The following ADGRD2 variants were observed in gnomAD, a reference collection of about 807,000 sequenced individuals.
The protein encoded by ADGRD2 is adhesion G protein-coupled receptor D2.
Under a neutral mutation model 44.4 loss-of-function variants are expected in ADGRD2, and 71 were observed. That is an observed-to-expected ratio of 1.60 (90% CI 1.32 to 1.95). The LOEUF (loss-of-function observed/expected upper bound fraction) is 1.95. Ranked by LOEUF, ADGRD2 falls within the 30% of genes most tolerant of loss-of-function variation. ADGRD2 has a pLI of 0.00. For missense variants in ADGRD2, 1,039 were observed against 512.4 expected, an observed-to-expected ratio of 2.03 and a Z score of -9.92; for synonymous variants, 481 against 224.8, an observed-to-expected ratio of 2.14 and a Z score of -10.19.
In ADGRD2 at chr9:124,468,634, C is replaced by A. The variant is rs761728780; in HGVS notation, c.2351C>A (p.Pro784Gln). The A allele has an allele frequency of 3.6e-5, 26 of 717,908 alleles. No individual in the cohort carries two copies. In the African/African-American group the frequency reaches 4.0e-4, roughly 11 times the overall value. 44.5% of individuals were successfully genotyped at this position (717,908 alleles called of 1,614,324 possible). ...AAGGTGGTAGCTGTGAGCATGCACC[C>A]GGGCCCAGGCATGCGGCTCTACCAC... The change falls in exon 14 of 22, where the codon CCG becomes CAG. Residue 784 changes from proline (P) to glutamine (Q), a missense_variant. Coordinates refer to ENST00000334810, the Ensembl canonical transcript of ADGRD2.
chr9:124,476,731 G>T lies in ADGRD2; in HGVS notation c.*18+22G>T, dbSNP rs1237365522. On this transcript the variant is annotated intron_variant, in intron 21 of 21. Coordinates refer to ENST00000334810, the Ensembl canonical transcript of ADGRD2. ...TCAGGTACAGTCCCCACCTCACGGG[G>T]TCCCCTCTTTTCTTTTTGGGCCTGG... 1.0e-5 allele frequency: 7 copies of T among 698,222 alleles called. No individual in the cohort carries two copies. In the African/African-American group the frequency reaches 1.1e-4, roughly 10 times the overall value. The allele number at this position is 698,222 out of a possible 1,614,324, so 43.3% of individuals were successfully genotyped here. A position where few individuals can be genotyped will look rare whatever the true frequency, so the allele number is the denominator to read the frequency against.
At chr9:124,475,819 A>G (rs1588611000) in intron 19 of ADGRD2, among the ~76,000 whole-genome samples, 1 of 152,132 alleles carries the variant, frequency 6.6e-6, no homozygotes, top group East Asian at 1.9e-4. Context: ...AGGTACTCGC[A>G]GCACCCAGGT....
chr9:124,451,568 G>A (rs1831469693), upstream of ADGRD2: 1 of 289,036 alleles, frequency 3.5e-6, no homozygotes, highest in African/African-American at 2.2e-5. Context: ...GCGAAGCAAG[G>A]CAGGATGCCC....
At chr9:124,453,082 C>A in exon 3 of ADGRD2, 1 of 684,720 alleles carries the variant, frequency 1.5e-6, no homozygotes, top group Admixed American at 2.2e-5. Context: ...GACGGCTGAC[C>A]GGGCGGCGCG....
exon 3 of ADGRD2, chr9:124,453,578 C>T: frequency 2.9e-6 from 2 of 699,412 alleles, no homozygotes; most frequent in Non-Finnish European, 2.6e-6. Flanking sequence ...CGGGCCTGCG[C>T]GCCGCCCTCA....
At chr9:124,459,592 G>GA (rs1831689733) in intron 10 of ADGRD2, among the ~76,000 whole-genome samples, 1 of 152,008 alleles carries the variant, frequency 6.6e-6, no homozygotes, top group South Asian at 2.1e-4. Context: ...AAAATATTCA[G>GA]AAAAAATAGC....
chr9:124,476,865 C>T (rs961226893), intron 21 of ADGRD2, 156 bp downstream of exon 24: 1 of 695,738 alleles, frequency 1.4e-6, no homozygotes, highest in Admixed American at 2.0e-5. Flanking sequence ...CCTGGGAGCA[C>T]TGGGGGCCTG....
chr9:124,461,758 G>A (rs546335124), intron 10 of ADGRD2, among the ~76,000 whole-genome samples: 2 of 148,492 alleles, frequency 1.3e-5, no homozygotes, highest in African/African-American at 2.5e-5. Flanking sequence ...TTTGTTTTTT[G>A]TTTTTTTGAG....
chr9:124,473,347 C>T (rs191748782), intron 17 of ADGRD2, among the ~76,000 whole-genome samples: 279 of 152,298 alleles, frequency 1.8e-3, no homozygotes, highest in Non-Finnish European at 2.6e-3. Flanking sequence ...TATAACCAGC[C>T]GTAGCTCACA....
intron 17 of ADGRD2, among the ~76,000 whole-genome samples, chr9:124,470,822 C>T (rs73592105): frequency 0.03 from 4,571 of 152,330 alleles, 213 homozygotes; most frequent in African/African-American, 0.1. Flanking sequence ...GCAGGAGGCT[C>T]ACGGGGCCCC....
intron 11 of ADGRD2, chr9:124,467,095 G>T (rs551952797): frequency 6.5e-6 from 1 of 153,094 alleles, no homozygotes; most frequent in African/African-American, 2.4e-5. Flanking sequence ...CACTTTGGGA[G>T]GCCAAGGCAG....
intron 7 of ADGRD2, among the ~76,000 whole-genome samples, chr9:124,456,971 C>G (rs963194638): frequency 6.6e-6 from 1 of 152,246 alleles, no homozygotes; most frequent in Non-Finnish European, 1.5e-5. Flanking sequence ...TAGCTCTCTC[C>G]TCCTCTGAGA....
chr9:124,467,578 G>A (rs1831848539), intron 11 of ADGRD2, 143 bp from the exon 15 acceptor site: 1 of 629,028 alleles, frequency 1.6e-6, no homozygotes. Flanking sequence ...TGCCTACTGT[G>A]TGCAGGCCTG....
chr9:124,467,603 C>A lies in ADGRD2; in HGVS notation c.2027-118C>A, dbSNP rs545221054. The A allele has an allele frequency of 2.9e-5, 19 of 657,794 alleles. No individual in the cohort carries two copies. The South Asian group carries it at 3.1e-4, about 11-fold the overall frequency. The allele number at this position is 657,794 out of a possible 1,614,324, so 40.7% of individuals were successfully genotyped here. A position where few individuals can be genotyped will look rare whatever the true frequency, so the allele number is the denominator to read the frequency against. On this transcript the variant is annotated intron_variant, in intron 11 of 21. Coordinates refer to ENST00000334810, the Ensembl canonical transcript of ADGRD2. ...GTGCAGGCCTGGGTCCTGCTGGCTG[C>A]TGCTGCACTGTGGAGGCGAATGCGG...
chr9:124,476,848 C>G (rs1353002975), intron 21 of ADGRD2, 139 bp downstream of exon 24: 7 of 688,690 alleles, frequency 1.0e-5, no homozygotes, highest in Non-Finnish European at 1.6e-5. Context: ...CCTCACTCCA[C>G]AGGTCCCCTG....
chr9:124,466,281 C>T (rs1387778277), exon 11 of ADGRD2: 2 of 707,304 alleles, frequency 2.8e-6, no homozygotes, highest in Non-Finnish European at 5.3e-6. Flanking sequence ...CTCCCCATCC[C>T]CCAAGCCCAT....
intron 21 of ADGRD2, 25 bp downstream of exon 24, chr9:124,476,734 C>T (rs1354305760): frequency 5.7e-6 from 4 of 695,932 alleles, no homozygotes; most frequent in Non-Finnish European, 7.9e-6. Flanking sequence ...TCACGGGGTC[C>T]CCTCTTTTCT....
Position 124,458,106 on chromosome 9 carries a change from C to T in ADGRD2, c.1641-7C>T. The stretch of plus-strand genomic sequence containing the variant: ...GTGGTGCCTTGGTGCCCCTTCCTCT[C>T]AGCCAGGCCTCTCTGGAGTCACCGT... On this transcript the variant is annotated splice_polypyrimidine_tract_variant and splice_region_variant and intron_variant, in intron 8 of 21. Transcript: ENST00000334810. The T allele has an allele frequency of 1.4e-6, 1 of 718,446 alleles. No individual in the cohort carries two copies. Among genetic ancestry groups the T allele is most frequent in the East Asian group, 2.7e-5 (1 of 37,298 alleles). 44.5% of individuals were successfully genotyped at this position (718,446 alleles called of 1,614,324 possible). A position where few individuals can be genotyped will look rare whatever the true frequency, so the allele number is the denominator to read the frequency against.
rs1344547861 is a variant in ADGRD2, at chr9:124,474,252, GC to G, written c.2759-1193del. Among the ~76,000 whole-genome samples the G allele has an allele frequency of 2.2e-5, 3 of 133,806 alleles. No individual in the cohort carries two copies. In the East Asian group the frequency reaches 6.5e-4, roughly 29 times the overall value. 87.8% of individuals were successfully genotyped at this position (133,806 alleles called of 152,430 possible). ...ATTGTGCCATTGCACTCCAGCCTGG[GC>G]AATAAGAGTGAAAACTCTGTCTCAA... On this transcript the variant is annotated intron_variant, in intron 17 of 21. Coordinates refer to ENST00000334810, the Ensembl canonical transcript of ADGRD2.
Sources: gnomAD v4.1 joint callset for allele counts (sites outside exome capture counted in the v4.1 genomes callset) on GRCh38, gnomAD v4.1.1 for gene constraint, MANE v1.5 for transcripts, NCBI Gene and HGNC (gene_info 2026-07-23, HGNC 2026-07-21) for gene names.